SMG6: variants seen among roughly 807,000 people sequenced by gnomAD.
SMG6 encodes SMG6 nonsense mediated mRNA decay factor, also known as telomerase-binding protein EST1A.
In SMG6, 66 loss-of-function variants were observed where a neutral mutation model predicts 142.2. The observed-to-expected ratio is 0.46, with a 90% CI of 0.38 to 0.57. The LOEUF (loss-of-function observed/expected upper bound fraction) is 0.57, where lower values mean the gene tolerates loss of function less well. Among genes scored for constraint, SMG6 ranks in the 20% least tolerant of loss-of-function variants. The pLI is 0.00. For missense variants in SMG6, 1,793 were observed against 1,832.0 expected, an observed-to-expected ratio of 0.98 and a Z score of 0.39; for synonymous variants, 779 against 702.4, an observed-to-expected ratio of 1.11 and a Z score of -1.72.
At chr17:2,209,538 AT>A (rs1039174605) in intron 10 of SMG6, among the ~76,000 whole-genome samples, 4 of 152,118 alleles carry the variant, frequency 2.6e-5, no homozygotes, top group African/African-American at 4.8e-5. Flanking sequence ...TAACTTTTGT[AT>A]TTTTAGTAGA....
At chr17:2,092,438 T>A (rs145423220) in intron 13 of SMG6, among the ~76,000 whole-genome samples, 2 of 152,304 alleles carry the variant, frequency 1.3e-5, no homozygotes, top group Admixed American at 6.5e-5. Context: ...AGGGCCATTA[T>A]CAATCAGCCA....
chr17:2,122,573 A>T (rs2069736652), intron 13 of SMG6: 1 of 152,226 alleles, frequency 6.6e-6, no homozygotes, highest in South Asian at 2.1e-4. Context: ...TTCAATATCC[A>T]GGAGGCAGAA....
At chr17:2,103,380 A>G (rs908681166) in intron 13 of SMG6, among the ~76,000 whole-genome samples, 5 of 152,204 alleles carry the variant, frequency 3.3e-5, no homozygotes, top group Non-Finnish European at 7.3e-5. Flanking sequence ...AGGGTGGTAT[A>G]GGTTACTCTC....
At chr17:2,301,387 T>G (rs2075273289) in intron 1 of SMG6, among the ~76,000 whole-genome samples, 1 of 152,182 alleles carries the variant, frequency 6.6e-6, no homozygotes, top group Non-Finnish European at 1.5e-5. Context: ...CTGCTCAGAC[T>G]ATCATACTAG....
intron 13 of SMG6, among the ~76,000 whole-genome samples, chr17:2,121,536 ATTAT>A (rs1460849117): frequency 7.6e-6 from 1 of 132,442 alleles, no homozygotes; most frequent in Admixed American, 7.6e-5. Flanking sequence ...TAATTATATG[ATTAT>A]TTATATATAC....
rs538859064 is a variant in SMG6 at position 2,279,909 on chromosome 17, C to T, written c.2661+2738G>A. Among the ~76,000 whole-genome samples the T allele has an allele frequency of 2.0e-5, 3 of 152,266 alleles. No homozygotes were observed. The East Asian group carries it at 5.8e-4, about 29-fold the overall frequency. On this transcript the variant is annotated intron_variant, in intron 8 of 18. Transcript: ENST00000263073. ...AAAATGCGGCCTCGCCCCAGCCTTC[C>T]CTAACCATGACTGGATTAGGTGTTC...
At chr17:2,164,469 G>A (rs565284489) in intron 13 of SMG6, among the ~76,000 whole-genome samples, 1 of 151,938 alleles carries the variant, frequency 6.6e-6, no homozygotes, top group African/African-American at 2.4e-5. Flanking sequence ...TTAGCCGGGC[G>A]TGGTGGCATG....
intron 10 of SMG6, 32 bp from the exon 11 acceptor site, chr17:2,188,547 C>T (rs368157790): frequency 1.9e-6 from 3 of 1,593,844 alleles, no homozygotes; most frequent in Non-Finnish European, 1.7e-6. Flanking sequence ...TCTCAGCGCC[C>T]CAGGCGGACA....
intron 10 of SMG6, among the ~76,000 whole-genome samples, chr17:2,191,740 G>C (rs573609473): frequency 6.6e-6 from 1 of 152,112 alleles, no homozygotes; most frequent in Non-Finnish European, 1.5e-5. Flanking sequence ...ATACCGGCTC[G>C]GACAGAAATA....
At chr17:2,128,000 T>C (rs925346699) in intron 13 of SMG6, 4 of 485,862 alleles carry the variant, frequency 8.2e-6, no homozygotes, top group African/African-American at 2.0e-5. Flanking sequence ...AAGGAACGAG[T>C]GTCAAAGGAG....
intron 8 of SMG6, among the ~76,000 whole-genome samples, chr17:2,266,403 G>C (rs754373674): frequency 2.6e-5 from 4 of 152,152 alleles, no homozygotes; most frequent in African/African-American, 4.8e-5. Context: ...AGTGCTCATT[G>C]TTAGATCTCT....
intron 13 of SMG6, among the ~76,000 whole-genome samples, chr17:2,140,362 C>T (rs943744472): frequency 6.6e-6 from 1 of 152,220 alleles, no homozygotes; most frequent in Non-Finnish European, 1.5e-5. Context: ...TGGCCTGACA[C>T]TTTATTTTTT....
chr17:2,148,916 G>A (rs527620060), intron 13 of SMG6, among the ~76,000 whole-genome samples: 1 of 152,112 alleles, frequency 6.6e-6, no homozygotes, highest in East Asian at 1.9e-4. Flanking sequence ...AGGGGCTGTG[G>A]GGAGGGAGGA....
intron 13 of SMG6, among the ~76,000 whole-genome samples, chr17:2,104,425 A>G (rs2069098459): frequency 6.6e-6 from 1 of 152,098 alleles, no homozygotes; most frequent in Admixed American, 6.6e-5. Flanking sequence ...GCACTTGGGT[A>G]TTTATTGTGA....
intron 8 of SMG6, among the ~76,000 whole-genome samples, chr17:2,271,531 C>T (rs216185): frequency 0.57 from 86,609 of 151,216 alleles, 26,062 homozygotes; most frequent in East Asian, 0.75. Context: ...CTGGCCAACA[C>T]GGTGAAACCC....
At chr17:2,064,962 C>A in intron 18 of SMG6, 111 bp downstream of exon 18, 1 of 843,652 alleles carries the variant, frequency 1.2e-6, no homozygotes, top group East Asian at 2.5e-5. Flanking sequence ...AGCACTGATT[C>A]CTTAGACTTC....
chr17:2,275,654 C>T (rs1168256610), intron 8 of SMG6, among the ~76,000 whole-genome samples: 1 of 152,178 alleles, frequency 6.6e-6, no homozygotes, highest in African/African-American at 2.4e-5. Flanking sequence ...TGACTGTCAG[C>T]AACAACCCAG....
At chr17:2,148,920 G>A (rs1460455484) in intron 13 of SMG6, among the ~76,000 whole-genome samples, 1 of 151,896 alleles carries the variant, frequency 6.6e-6, no homozygotes, top group African/African-American at 2.4e-5. Flanking sequence ...GCTGTGGGGA[G>A]GGAGGAATGG....
chr17:2,297,294 C>A lies in SMG6; in HGVS notation c.2100G>T (p.Leu700=), dbSNP rs1348256684. 2.5e-6 allele frequency: 4 copies of A among 1,613,558 alleles called. No homozygotes were observed. Among genetic ancestry groups the A allele is most frequent in the Non-Finnish European group, 3.4e-6 (4 of 1,179,760 alleles). ...TGGCAAGACCATCCATGTAGTCTTCCAGTTTGAACTTGTAAGTAACCTGCA... is the reference window on the plus strand; with the variant it reads ...TGGCAAGACCATCCATGTAGTCTTCAAGTTTGAACTTGTAAGTAACCTGCA... ...QKLQVTYKFK[L]EDYMDGLAIR... Residue 700 remains leucine (L), a synonymous_variant, in exon 4 of 19, where the codon CTG becomes CTT. Transcript: ENST00000263073.
Sources: allele counts gnomAD v4.1 joint callset (sites outside exome capture counted in the v4.1 genomes callset), GRCh38; gene constraint gnomAD v4.1.1; transcripts MANE v1.5; gene names NCBI Gene and HGNC (gene_info 2026-07-23, HGNC 2026-07-21).